Variants in RNFT2 observed in about 807,000 individuals in gnomAD.
RNFT2 encodes the protein E3 ubiquitin-protein ligase RNFT2.
RNFT2 carries 36 observed loss-of-function variants against 53.0 expected under a neutral mutation model. The ratio of observed to expected loss-of-function variants is 0.68; its 90% CI spans 0.52 to 0.90. RNFT2 has a LOEUF of 0.90. Among genes scored for constraint, RNFT2 ranks in the 40% least tolerant of loss-of-function variants. RNFT2 has a pLI of 0.00. For missense variants in RNFT2, 514 were observed against 585.6 expected (o/e 0.88, Z 1.26); for synonymous variants, 260 against 253.2 (o/e 1.03, Z -0.26).
intron 4 of RNFT2, 133 bp from the exon 5 acceptor site, chr12:116,753,851 T>A (rs985421188): frequency 1.1e-5 from 7 of 659,392 alleles, no homozygotes; most frequent in African/African-American, 3.7e-5. Context: ...GAAGTGGGAT[T>A]TTTTTTATTT....
At chr12:116,845,878 C>G (rs116782168) in intron 10 of RNFT2, among the ~76,000 whole-genome samples, 1 of 152,296 alleles carries the variant, frequency 6.6e-6, no homozygotes, top group African/African-American at 2.4e-5. Context: ...ATCTCAGGAG[C>G]TTTGCACAGG....
At chr12:116,843,172 C>T (rs1369111853) in intron 10 of RNFT2, among the ~76,000 whole-genome samples, 3 of 151,992 alleles carry the variant, frequency 2.0e-5, no homozygotes, top group South Asian at 2.1e-4. Context: ...TTCTGTGCTT[C>T]GGGAGGCACG....
At position 116,750,154 on chromosome 12, in the gene RNFT2, G is replaced by A; in HGVS notation, c.397G>A (p.Asp133Asn). The change falls in exon 4 of 11, where the codon GAC (aspartate) becomes AAC (asparagine). Residue 133 changes from aspartate (D) to asparagine (N), a missense_variant. Asp to Asn is a conservative substitution (Grantham distance 23). Around this residue, in one of 3 missense-constraint regions of RNFT2, gnomAD observed 237 missense variants for 235.1 expected, o/e 1.01. Coordinates refer to ENST00000257575, the MANE Select transcript of RNFT2 (RefSeq NM_001382266.1). ...CTCCCTGCTGCAGCACGTGGGTGGG[G>A]ACCACCGGGGGCACTCGGAGGAGGG... Reference protein sequence around the residue: ...GGSLLQHVGGDHRGHSEEGGD... With the variant: ...GGSLLQHVGGNHRGHSEEGGD... The A allele has an allele frequency of 1.9e-6, 3 of 1,587,700 alleles. No individual in the cohort carries two copies. Among genetic ancestry groups the A allele is most frequent in the Non-Finnish European group, 2.6e-6 (3 of 1,172,998 alleles).
At chr12:116,790,879 C>G (rs571940112) in intron 7 of RNFT2, among the ~76,000 whole-genome samples, 1 of 152,246 alleles carries the variant, frequency 6.6e-6, no homozygotes, top group Admixed American at 6.5e-5. Context: ...ATCACTTAAG[C>G]CTAATAAGGT....
chr12:116,853,309 G>A lies in RNFT2; in HGVS notation c.*3861G>A. 2 of 398,032 alleles carry A rather than the reference G, an allele frequency of 5.0e-6. No individual in the cohort carries two copies. The highest frequency in any genetic ancestry group is 8.9e-6 in the Non-Finnish European group (2 of 225,826). 24.7% of individuals were successfully genotyped at this position (398,032 alleles called of 1,614,324 possible). The stretch of plus-strand genomic sequence containing the variant: ...CAGTATCCTGCCCTTATTATTTTAT[G>A]ATTCACTGACTCAAGTTCCACGAAG... On this transcript the variant is annotated 3_prime_UTR_variant, in exon 11 of 11. Coordinates refer to ENST00000257575, the MANE Select transcript of RNFT2 (RefSeq NM_001382266.1).
intron 3 of RNFT2, among the ~76,000 whole-genome samples, chr12:116,746,645 T>G (rs1871908946): frequency 6.6e-6 from 1 of 152,252 alleles, no homozygotes; most frequent in East Asian, 1.9e-4. Flanking sequence ...CCTTGAATGA[T>G]GAGAAAGGGG....
At chr12:116,769,081 C>T (rs1005860636) in intron 6 of RNFT2, among the ~76,000 whole-genome samples, 5 of 151,918 alleles carry the variant, frequency 3.3e-5, no homozygotes, top group African/African-American at 4.8e-5. Context: ...AAAAGTTGGC[C>T]GGGCGCAGTG....
At chr12:116,755,612 C>G in intron 5 of RNFT2, 2 of 1,014,632 alleles carry the variant, frequency 2.0e-6, no homozygotes, top group Middle Eastern at 2.1e-4. Flanking sequence ...CACATTAATT[C>G]TCTCGGCAAG....
intron 1 of RNFT2, among the ~76,000 whole-genome samples, chr12:116,739,927 C>T (rs1020489496): frequency 6.6e-6 from 1 of 152,112 alleles, no homozygotes; most frequent in Non-Finnish European, 1.5e-5. Flanking sequence ...CAAAGAGGGC[C>T]GGGCATGGTG....
In RNFT2 at chr12:116,836,712, G is replaced by C. The variant is rs532437062; in HGVS notation, c.1200+430G>C. Among the ~76,000 whole-genome samples, 3 of 152,080 alleles carry C rather than the reference G, an allele frequency of 2.0e-5. No individual in the cohort carries two copies. In the East Asian group the frequency reaches 5.8e-4, roughly 29 times the overall value. On this transcript the variant is annotated intron_variant, in intron 10 of 10. Coordinates refer to ENST00000257575, the MANE Select transcript of RNFT2 (RefSeq NM_001382266.1). ...GGCCGAGGCAGGCAGATCACCTGAG[G>C]TCAGGAGTTCGAGACCAGCTGGGCC...
chr12:116,761,630 G>A (rs1872695039), intron 5 of RNFT2, among the ~76,000 whole-genome samples: 1 of 152,200 alleles, frequency 6.6e-6, no homozygotes. Context: ...CAACCTGGGA[G>A]GGAAACAAAA....
chr12:116,754,266 A>G (rs1176116988), intron 5 of RNFT2, among the ~76,000 whole-genome samples: 2 of 152,106 alleles, frequency 1.3e-5, no homozygotes, highest in South Asian at 2.1e-4. Context: ...ATAGTTTCCA[A>G]TCTCATCCAG....
chr12:116,771,495 A>ATT, intron 6 of RNFT2, among the ~76,000 whole-genome samples: 1 of 23,996 alleles, frequency 4.2e-5, no homozygotes, highest in African/African-American at 7.0e-5. Context: ...AAAAAAAAAA[A>ATT]TACGTATATG....
At chr12:116,824,601 T>C (rs372355178) in intron 7 of RNFT2, among the ~76,000 whole-genome samples, 3 of 152,000 alleles carry the variant, frequency 2.0e-5, no homozygotes, top group African/African-American at 7.2e-5. Flanking sequence ...GACAGTAGGA[T>C]AGAGAAAGTG....
intron 7 of RNFT2, among the ~76,000 whole-genome samples, chr12:116,820,230 A>G (rs1279466513): frequency 6.6e-6 from 1 of 152,168 alleles, no homozygotes; most frequent in African/African-American, 2.4e-5. Flanking sequence ...AGCTGGGTCT[A>G]CAGGCGTGCG....
chr12:116,809,537 G>T (rs1280311536), intron 7 of RNFT2, among the ~76,000 whole-genome samples: 1 of 152,116 alleles, frequency 6.6e-6, no homozygotes, highest in Non-Finnish European at 1.5e-5. Flanking sequence ...GAGAGGCTTT[G>T]GCCTGCTCAT....
At chr12:116,838,790 C>T (rs1877105614) in intron 10 of RNFT2, among the ~76,000 whole-genome samples, 1 of 152,154 alleles carries the variant, frequency 6.6e-6, no homozygotes, top group African/African-American at 2.4e-5. Context: ...TCTCCTGATA[C>T]CACTATGTGC....
chr12:116,784,176 A>G (rs1284699074), intron 7 of RNFT2, among the ~76,000 whole-genome samples: 1 of 152,232 alleles, frequency 6.6e-6, no homozygotes, highest in Non-Finnish European at 1.5e-5. Context: ...TGCACGGGGC[A>G]TTGTACAGAT....
intron 10 of RNFT2, among the ~76,000 whole-genome samples, chr12:116,844,232 T>C (rs779524713): frequency 2.9e-4 from 44 of 152,264 alleles, no homozygotes; most frequent in Non-Finnish European, 3.2e-4. Context: ...TTTTTTGTTT[T>C]GTTTCATTTT....
Sources: allele counts gnomAD v4.1 joint callset (sites outside exome capture counted in the v4.1 genomes callset), GRCh38; gene constraint gnomAD v4.1.1; regional missense constraint gnomAD v4.1.1; transcripts MANE v1.5; gene names NCBI Gene and HGNC (gene_info 2026-07-23, HGNC 2026-07-21).